Variants in SLC38A4 observed in about 807,000 individuals in gnomAD.
The protein encoded by SLC38A4 is sodium-coupled neutral amino acid transporter 4.
Under a neutral mutation model 63.1 loss-of-function variants are expected in SLC38A4, and 20 were observed. The ratio of observed to expected loss-of-function variants is 0.32; its 90% CI spans 0.22 to 0.46. SLC38A4 has a LOEUF of 0.46. Among genes scored for constraint, SLC38A4 ranks in the 20% least tolerant of loss-of-function variants. The probability of loss-of-function intolerance (pLI) is 1.00; values close to 1 mark genes in which losing one functional copy is unlikely to be tolerated. For missense variants in SLC38A4, 526 were observed against 663.6 expected (o/e 0.79, Z 2.28); for synonymous variants, 230 against 225.5 (o/e 1.02, Z -0.18).
chr12:46,785,752 T>C (rs1332217771), intron 5 of SLC38A4, among the ~76,000 whole-genome samples: 2 of 148,624 alleles, frequency 1.3e-5, no homozygotes, highest in East Asian at 3.9e-4. Flanking sequence ...TTTTTTTTTT[T>C]TTTTTTTTTT....
intron 15 of SLC38A4, 87 bp downstream of exon 15, chr12:46,769,197 T>C (rs1420463383): frequency 1.3e-5 from 18 of 1,429,248 alleles, no homozygotes; most frequent in Non-Finnish European, 1.8e-5. Context: ...AGAACGGGGA[T>C]CTGGATGACC....
rs1938363377 is a variant in SLC38A4, at chr12:46,769,343, G to C, written c.1385C>G (p.Ala462Gly). The change falls in exon 15 of 17, where the codon GCA becomes GGA. Residue 462 changes from alanine (A) to glycine (G), a missense_variant. Ala to Gly is a moderately conservative substitution (Grantham distance 60). Transcript: ENST00000266579. ...AAGGATGACCAGAACATTATTAAGT[G>C]CAATAAGCACAGCTGCAATCAGGAA... ...RHFLIAAVLI[A>G]LNNVLVILVP... 1 of 1,613,288 alleles carries C rather than the reference G, an allele frequency of 6.2e-7. No individual in the cohort carries two copies. The highest frequency in any genetic ancestry group is 8.5e-7 in the Non-Finnish European group (1 of 1,179,528).
At chr12:46,807,974 T>G (rs2120880869) in intron 1 of SLC38A4, among the ~76,000 whole-genome samples, 1 of 151,264 alleles carries the variant, frequency 6.6e-6, no homozygotes, top group East Asian at 2.0e-4. Context: ...TGGCAAAGCC[T>G]CTCAGATTTC....
chr12:46,792,530 G>A (rs1938911662), intron 3 of SLC38A4, among the ~76,000 whole-genome samples: 1 of 152,098 alleles, frequency 6.6e-6, no homozygotes, highest in Non-Finnish European at 1.5e-5. Flanking sequence ...CTGAAATTCA[G>A]TAGAGAAACT....
chr12:46,773,292 G>A (rs576949002), intron 14 of SLC38A4, among the ~76,000 whole-genome samples: 2 of 152,016 alleles, frequency 1.3e-5, no homozygotes, highest in African/African-American at 4.8e-5. Flanking sequence ...TCCCAAGCAC[G>A]ACGGAGCTCA....
intron 3 of SLC38A4, among the ~76,000 whole-genome samples, chr12:46,792,675 T>C (rs1938914769): frequency 2.0e-5 from 3 of 151,942 alleles, no homozygotes; most frequent in Admixed American, 2.0e-4. Context: ...CAAAGAGGAA[T>C]CTGAGAAAGA....
intron 1 of SLC38A4, among the ~76,000 whole-genome samples, chr12:46,805,316 T>G (rs1178283371): frequency 1.3e-5 from 2 of 152,006 alleles, no homozygotes; most frequent in African/African-American, 2.4e-5. Context: ...ATAGCAAAAT[T>G]CTTATTACAA....
intron 1 of SLC38A4, among the ~76,000 whole-genome samples, chr12:46,815,620 G>A (rs533728979): frequency 2.0e-5 from 3 of 151,704 alleles, no homozygotes; most frequent in African/African-American, 4.8e-5. Context: ...CCATAAAATC[G>A]CCTAGGCACA....
intron 3 of SLC38A4, among the ~76,000 whole-genome samples, chr12:46,790,896 A>T (rs991407592): frequency 2.0e-5 from 3 of 152,232 alleles, no homozygotes; most frequent in Non-Finnish European, 2.9e-5. Flanking sequence ...AACCACACAT[A>T]GATAAAACCC....
intron 2 of SLC38A4, among the ~76,000 whole-genome samples, chr12:46,799,592 C>CA (rs1010382655): frequency 4.4e-4 from 67 of 150,674 alleles, no homozygotes; most frequent in Middle Eastern, 3.4e-3. Flanking sequence ...GATTCCATCT[C>CA]AAAAAAAAAT....
chr12:46,789,992 C>T (rs1184656151), intron 3 of SLC38A4, among the ~76,000 whole-genome samples: 6 of 152,100 alleles, frequency 3.9e-5, no homozygotes, highest in Admixed American at 3.3e-4. Context: ...GCAGGAGAAT[C>T]GCTTGAACCT....
chr12:46,773,292 G>C (rs576949002), intron 14 of SLC38A4, among the ~76,000 whole-genome samples: 1 of 152,016 alleles, frequency 6.6e-6, no homozygotes, highest in South Asian at 2.1e-4. Flanking sequence ...TCCCAAGCAC[G>C]ACGGAGCTCA....
Position 46,768,223 on chromosome 12 carries a change from ATTT to A in SLC38A4, c.1542+84_1542+86del, listed in dbSNP as rs1373260540. 3.3e-5 allele frequency: 33 copies of A among 998,816 alleles called. No individual in the cohort carries two copies. In the East Asian group the frequency reaches 8.9e-4, roughly 27 times the overall value. The allele number at this position is 998,816 out of a possible 1,614,324, so 61.9% of individuals were successfully genotyped here. A position where few individuals can be genotyped will look rare whatever the true frequency, so the allele number is the denominator to read the frequency against. On this transcript the variant is annotated intron_variant, in intron 16 of 16. Coordinates refer to ENST00000266579, the MANE Select transcript of SLC38A4 (RefSeq NM_018018.5). ...ATTTTTGGTTCTTGTACATTGATTC[ATTT>A]TTCTGAACTATGTGTATTTTCTAGT... is the stretch of plus-strand genomic sequence containing the variant.
chr12:46,774,121 A>G (rs533223087), intron 14 of SLC38A4, among the ~76,000 whole-genome samples: 1 of 152,216 alleles, frequency 6.6e-6, no homozygotes, highest in Admixed American at 6.5e-5. Flanking sequence ...TAGCCACCAT[A>G]GTAGTACGGA....
intron 1 of SLC38A4, among the ~76,000 whole-genome samples, chr12:46,817,357 G>C (rs1939460775): frequency 6.8e-6 from 1 of 147,762 alleles, no homozygotes; most frequent in Non-Finnish European, 1.5e-5. Context: ...ATTGTCTCCT[G>C]CTTGCTAACT....
chr12:46,809,574 C>G (rs1006317628), intron 1 of SLC38A4, among the ~76,000 whole-genome samples: 1 of 152,050 alleles, frequency 6.6e-6, no homozygotes, highest in Non-Finnish European at 1.5e-5. Flanking sequence ...TTCTTCACCA[C>G]AAGAGTTTGC....
At chr12:46,781,727 G>T (rs1366955773) in intron 7 of SLC38A4, among the ~76,000 whole-genome samples, 2 of 152,002 alleles carry the variant, frequency 1.3e-5, no homozygotes, top group African/African-American at 4.8e-5. Flanking sequence ...CCTCTTACCT[G>T]TGTGAGGCTT....
At chr12:46,806,709 C>A (rs149047278) in intron 1 of SLC38A4, among the ~76,000 whole-genome samples, 1 of 151,978 alleles carries the variant, frequency 6.6e-6, no homozygotes, top group African/African-American at 2.4e-5. Context: ...AGAAAGAGAA[C>A]GTATGGTGAT....
intron 7 of SLC38A4, among the ~76,000 whole-genome samples, chr12:46,781,682 G>A (rs1938642855): frequency 1.3e-5 from 2 of 152,122 alleles, no homozygotes; most frequent in Non-Finnish European, 2.9e-5. Flanking sequence ...CTGGGGTGAT[G>A]TTACGATATT....
Sources: gnomAD v4.1 joint callset for allele counts (sites outside exome capture counted in the v4.1 genomes callset) on GRCh38, gnomAD v4.1.1 for gene constraint, MANE v1.5 for transcripts, NCBI Gene and HGNC (gene_info 2026-07-23, HGNC 2026-07-21) for gene names.